Variants in IFT81 observed in about 807,000 individuals in gnomAD.
IFT81 encodes the protein intraflagellar transport 81.
Under a neutral mutation model 102.6 loss-of-function variants are expected in IFT81, and 72 were observed. That is an observed-to-expected ratio of 0.70 (90% CI 0.58 to 0.85). The LOEUF is 0.85. Ranked by LOEUF, IFT81 falls within the 40% of genes least tolerant of loss-of-function variation. The pLI is 0.00. For missense variants in IFT81, 723 were observed against 787.3 expected, an observed-to-expected ratio of 0.92 and a Z score of 0.98; for synonymous variants, 237 against 242.7, an observed-to-expected ratio of 0.98 and a Z score of 0.22.
intron 12 of IFT81, among the ~76,000 whole-genome samples, chr12:110,182,674 C>T (rs1469145538): frequency 6.6e-6 from 1 of 152,180 alleles, no homozygotes; most frequent in Non-Finnish European, 1.5e-5. Context: ...TCTTTGCCTG[C>T]TGATCTATTG....
rs375871911 is a variant in IFT81 at position 110,146,983 on chromosome 12, T to C, written c.976T>C (p.Leu326=). 3.1e-6 allele frequency: 5 copies of C among 1,610,450 alleles called. No homozygotes were observed. The highest frequency in any genetic ancestry group is 4.2e-6 in the Non-Finnish European group (5 of 1,178,402). The change falls in exon 10 of 19, where the codon TTG becomes CTG. Residue 326 remains leucine (L), a synonymous_variant. Coordinates refer to ENST00000242591, the MANE Select transcript of IFT81 (RefSeq NM_014055.4). ...INEINTEINQ[L]IEKKMMRNEP... Reference sequence around the variant, plus strand: ...TGAAATAAACACAGAAATTAACCAGTTGATTGAAAAGAAAATGATGAGAAA... The same window carrying C: ...TGAAATAAACACAGAAATTAACCAGCTGATTGAAAAGAAAATGATGAGAAA...
rs541739649 is a variant in IFT81 at position 110,196,772 on chromosome 12, G to A, written c.1557+4066G>A. Among the ~76,000 whole-genome samples, 64 of 152,214 alleles carry A rather than the reference G, an allele frequency of 4.2e-4. No individual in the cohort carries two copies. In the South Asian group the frequency reaches 0.013, roughly 30 times the overall value. On this transcript the variant is annotated intron_variant, in intron 14 of 18. Coordinates refer to ENST00000242591, the MANE Select transcript of IFT81 (RefSeq NM_014055.4). Reference sequence around the variant, plus strand: ...TTTATTCCTTATTATGGTACGTAATGGTTTTTGCCTTAGAGTATTATTTTG... The same window carrying A: ...TTTATTCCTTATTATGGTACGTAATAGTTTTTGCCTTAGAGTATTATTTTG...
chr12:110,165,794 C>G (rs1896404836), intron 11 of IFT81, among the ~76,000 whole-genome samples: 1 of 152,182 alleles, frequency 6.6e-6, no homozygotes, highest in Admixed American at 6.5e-5. Context: ...TGAGGCTTCT[C>G]TATCTGTAAA....
intron 11 of IFT81, among the ~76,000 whole-genome samples, chr12:110,174,362 A>G (rs1358652282): frequency 6.7e-6 from 1 of 148,436 alleles, no homozygotes; most frequent in East Asian, 2.0e-4. Flanking sequence ...GGCTGAGGCC[A>G]GAGAATTGCT....
chr12:110,205,960 T>C (rs1868567666), intron 17 of IFT81, among the ~76,000 whole-genome samples: 1 of 152,234 alleles, frequency 6.6e-6, no homozygotes, highest in Non-Finnish European at 1.5e-5. Flanking sequence ...ATTGATTACA[T>C]TCACAATATT....
At chr12:110,139,336 C>CAAAAA (rs398044810) in intron 8 of IFT81, among the ~76,000 whole-genome samples, 3 of 52,446 alleles carry the variant, frequency 5.7e-5, no homozygotes, top group Admixed American at 2.1e-4. Context: ...GACTCTGTCT[C>CAAAAA]AAAAAAAAAA....
intron 3 of IFT81, 140 bp from the exon 4 acceptor site, chr12:110,128,810 A>T: frequency 2.0e-6 from 1 of 502,760 alleles, no homozygotes; most frequent in Non-Finnish European, 3.4e-6. Flanking sequence ...AAAAAAAAAA[A>T]GATTCCTTGG....
chr12:110,127,678 C>T (rs1193595956), intron 2 of IFT81, among the ~76,000 whole-genome samples, 154 bp downstream of exon 2: 1 of 152,204 alleles, frequency 6.6e-6, no homozygotes, highest in Non-Finnish European at 1.5e-5. Flanking sequence ...TCTCTGCTAG[C>T]TCAAAAATAA....
At position 110,191,030 on chromosome 12, in the gene IFT81, G is replaced by A; in HGVS notation, c.1449G>A (p.Leu483=). 6.2e-7 allele frequency: 1 copy of A among 1,605,978 alleles called. No homozygotes were observed. The highest frequency in any genetic ancestry group is 8.5e-7 in the Non-Finnish European group (1 of 1,177,224). Residue 483 remains leucine (L), a synonymous_variant, in exon 13 of 19, where the codon TTG becomes TTA. Transcript: ENST00000242591. ...TTGATGAAATGAAAGGACGAACATT[G>A]GATGATATGTCTGAAATGGTGATGA... is the stretch of plus-strand genomic sequence containing the variant. ...SEVDEMKGRT[L]DDMSEMVKKL... is the part of the protein sequence containing the mutation.
intron 11 of IFT81, among the ~76,000 whole-genome samples, chr12:110,175,282 T>A (rs1896989049): frequency 6.6e-6 from 1 of 152,218 alleles, no homozygotes. Context: ...TTCTTTATAA[T>A]ATCTTGCCCA....
chr12:110,128,608 G>A (rs897159414), intron 3 of IFT81, among the ~76,000 whole-genome samples: 2 of 151,454 alleles, frequency 1.3e-5, no homozygotes, highest in African/African-American at 2.4e-5. Flanking sequence ...AGGGCAACAT[G>A]GCGAAACGCT....
chr12:110,130,606 G>T (rs1207463235), intron 4 of IFT81, among the ~76,000 whole-genome samples: 1 of 152,016 alleles, frequency 6.6e-6, no homozygotes, highest in Admixed American at 6.6e-5. Context: ...CTGACCTCAT[G>T]ATCTGCCCAC....
At chr12:110,129,177 G>A in intron 4 of IFT81, 47 bp downstream of exon 4, 1 of 1,358,356 alleles carries the variant, frequency 7.4e-7, no homozygotes. Context: ...GGATTTCAAG[G>A]TGTATATATT....
chr12:110,174,457 G>GGAAA (rs1555265400), intron 11 of IFT81, among the ~76,000 whole-genome samples: 1 of 55,210 alleles, frequency 1.8e-5, no homozygotes, highest in African/African-American at 5.1e-5. Context: ...CTCCGTCTCA[G>GGAAA]AAAAAAAAAA....
chr12:110,195,731 G>A (rs921505103), intron 14 of IFT81, among the ~76,000 whole-genome samples: 4 of 152,096 alleles, frequency 2.6e-5, no homozygotes, highest in Admixed American at 2.6e-4. Flanking sequence ...TCTTTTGATT[G>A]CCTGGAACTT....
intron 14 of IFT81, among the ~76,000 whole-genome samples, chr12:110,201,600 T>TTTAG (rs1304078720): frequency 6.9e-6 from 1 of 143,994 alleles, no homozygotes; most frequent in African/African-American, 2.9e-5. Context: ...CTGGCTAATT[T>TTTAG]TTATTTATTT....
chr12:110,143,444 C>A lies in IFT81; in HGVS notation c.844C>A (p.Pro282Thr). ...TTTATATATGGTAACTGAAAAATTT[C>A]CTAAAGAATTAGAAAATAAGAAAAA... ...FNLYMVTEKF[P>T]KELENKKKEL... The change falls in exon 9 of 19, where the codon CCT (proline) becomes ACT (threonine). Residue 282 changes from proline (P) to threonine (T), a missense_variant. By Grantham distance (38) the Pro-to-Thr change is conservative (BLOSUM62 -1). Coordinates refer to ENST00000242591, the MANE Select transcript of IFT81 (RefSeq NM_014055.4). The A allele has an allele frequency of 6.5e-7, 1 of 1,528,848 alleles. No homozygotes were observed. The highest frequency in any genetic ancestry group is 8.8e-7 in the Non-Finnish European group (1 of 1,142,766). The allele number at this position is 1,528,848 out of a possible 1,614,324, so 94.7% of individuals were successfully genotyped here.
chr12:110,154,447 A>G (rs529071545), intron 10 of IFT81, among the ~76,000 whole-genome samples: 44 of 151,570 alleles, frequency 2.9e-4, no homozygotes, highest in African/African-American at 1.0e-3. Flanking sequence ...CCTGGCCAAC[A>G]TGGTGAAACC....
rs1396390096 is a variant in IFT81, at chr12:110,143,155, T to C, written c.782-227T>C. On this transcript the variant is annotated intron_variant, in intron 8 of 18. Coordinates refer to ENST00000242591, the MANE Select transcript of IFT81 (RefSeq NM_014055.4). Reference sequence around the variant, plus strand: ...ATTTGAAAGGGTCATAATAGCACTTTTTCTATAATTATTTAAATATTCTTC... The same window carrying C: ...ATTTGAAAGGGTCATAATAGCACTTCTTCTATAATTATTTAAATATTCTTC... 1.6e-4 allele frequency among the ~76,000 whole-genome samples: 24 copies of C among 152,164 alleles called. 1 individual carries two copies. Among genetic ancestry groups the C allele is most frequent in the Non-Finnish European group, 1.5e-5 (1 of 68,022 alleles).
Sources: allele counts gnomAD v4.1 joint callset (sites outside exome capture counted in the v4.1 genomes callset), GRCh38; gene constraint gnomAD v4.1.1; transcripts MANE v1.5; gene names NCBI Gene and HGNC (gene_info 2026-07-23, HGNC 2026-07-21).